KATNIP: variants seen among roughly 807,000 people sequenced by gnomAD.
KATNIP encodes the protein katanin interacting protein, also known as katanin-interacting protein.
KATNIP carries 126 observed loss-of-function variants against 174.0 expected under a neutral mutation model. The observed-to-expected ratio is 0.72, with a 90% CI of 0.63 to 0.84. The LOEUF (loss-of-function observed/expected upper bound fraction) is 0.84, where lower values mean the gene tolerates loss of function less well. KATNIP is among the 40% of genes least tolerant of loss of function. The pLI is 0.00. For synonymous variants in KATNIP, 810 were observed against 835.7 expected, an observed-to-expected ratio of 0.97 and a Z score of 0.53; for missense variants, 1,958 against 2,109.7, an observed-to-expected ratio of 0.93 and a Z score of 1.41.
chr16:27,572,362 AACACAC>A (rs3056269), intron 1 of KATNIP, among the ~76,000 whole-genome samples: 27 of 138,142 alleles, frequency 2.0e-4, no homozygotes, highest in East Asian at 1.7e-3. Context: ...CAAAAAAGAA[AACACAC>A]ACACACACAC....
chr16:27,579,418 T>A (rs1050875318), intron 2 of KATNIP, among the ~76,000 whole-genome samples: 1 of 152,232 alleles, frequency 6.6e-6, no homozygotes, highest in East Asian at 1.9e-4. Context: ...AGAGGGTTAA[T>A]ACAGTCATGT....
rs758627923 is a variant in KATNIP, at chr16:27,654,776, G to T, written c.540+6041G>T. 5.2e-6 allele frequency: 7 copies of T among 1,350,334 alleles called. No homozygotes were observed. The African/African-American group carries it at 5.9e-5, about 11-fold the overall frequency. 83.6% of individuals were successfully genotyped at this position (1,350,334 alleles called of 1,614,324 possible). On this transcript the variant is annotated intron_variant, in intron 6 of 27. Coordinates refer to ENST00000261588, the MANE Select transcript of KATNIP (RefSeq NM_015202.5). ...CAGCATCCTAACCCCTAAGGGCTGG[G>T]GATCTTTTCCGTAGCCAAGCAGCTG...
At chr16:27,610,973 T>G (rs1596918088) in intron 2 of KATNIP, among the ~76,000 whole-genome samples, 1 of 152,292 alleles carries the variant, frequency 6.6e-6, no homozygotes, top group East Asian at 1.9e-4. Context: ...TTGTCCCGCC[T>G]TTTGAGGACC....
At chr16:27,702,483 G>A (rs1294287381) in intron 11 of KATNIP, among the ~76,000 whole-genome samples, 1 of 152,202 alleles carries the variant, frequency 6.6e-6, no homozygotes, top group African/African-American at 2.4e-5. Flanking sequence ...CTGAGAGCCT[G>A]TAGTTTCTAG....
chr16:27,588,469 TTTTTGTTTTG>T (rs773855206), intron 2 of KATNIP, among the ~76,000 whole-genome samples: 2 of 152,006 alleles, frequency 1.3e-5, no homozygotes, highest in South Asian at 2.1e-4. Flanking sequence ...TTTTGACTGT[TTTTTGTTTTG>T]TTTTGTTTTG....
chr16:27,711,748 G>A (rs2079584016), intron 13 of KATNIP, among the ~76,000 whole-genome samples: 1 of 152,226 alleles, frequency 6.6e-6, no homozygotes, highest in African/African-American at 2.4e-5. Context: ...CCACTCAAAC[G>A]GCGGGCTGGA....
At chr16:27,618,100 T>C (rs1285119014) in intron 2 of KATNIP, among the ~76,000 whole-genome samples, 1 of 152,072 alleles carries the variant, frequency 6.6e-6, no homozygotes, top group Non-Finnish European at 1.5e-5. Flanking sequence ...GATAACTAAA[T>C]AGTGAGTGTT....
At chr16:27,731,630 T>C (rs936831872) in intron 14 of KATNIP, among the ~76,000 whole-genome samples, 37 of 151,876 alleles carry the variant, frequency 2.4e-4, no homozygotes, top group African/African-American at 8.9e-4. Flanking sequence ...TTTTCTTTTT[T>C]TTTTTTTGAG....
At chr16:27,595,670 C>T (rs2075313359) in intron 2 of KATNIP, among the ~76,000 whole-genome samples, 1 of 152,194 alleles carries the variant, frequency 6.6e-6, no homozygotes, top group African/African-American at 2.4e-5. Context: ...AACACAAATC[C>T]ATGCCCCTGT....
chr16:27,648,857 C>G, intron 6 of KATNIP, 122 bp downstream of exon 6: 1 of 1,152,586 alleles, frequency 8.7e-7, no homozygotes, highest in Admixed American at 2.3e-5. Context: ...CCGCTGTGTT[C>G]CTTCACTCTT....
At chr16:27,665,608 T>TA (rs936039019) in intron 6 of KATNIP, among the ~76,000 whole-genome samples, 2 of 138,754 alleles carry the variant, frequency 1.4e-5, no homozygotes, top group Admixed American at 1.4e-4. Flanking sequence ...TTTTTATTAT[T>TA]TTTTTTTTTT....
intron 2 of KATNIP, among the ~76,000 whole-genome samples, chr16:27,578,217 C>T (rs905519243): frequency 6.6e-6 from 1 of 152,078 alleles, no homozygotes; most frequent in African/African-American, 2.4e-5. Flanking sequence ...CCTGTAGTAC[C>T]AGCAGCTCAG....
chr16:27,668,079 G>A (rs2077749419), intron 6 of KATNIP, among the ~76,000 whole-genome samples: 3 of 152,156 alleles, frequency 2.0e-5, no homozygotes, highest in Admixed American at 2.0e-4. Flanking sequence ...CCTCTTACGG[G>A]CAGGTTTATC....
At chr16:27,611,545 T>C (rs1227395999) in intron 2 of KATNIP, among the ~76,000 whole-genome samples, 1 of 152,220 alleles carries the variant, frequency 6.6e-6, no homozygotes, top group Non-Finnish European at 1.5e-5. Flanking sequence ...CTCTAGGCAC[T>C]CAGGCGAAAC....
At chr16:27,658,516 C>T (rs1384075506) in intron 6 of KATNIP, among the ~76,000 whole-genome samples, 2 of 152,054 alleles carry the variant, frequency 1.3e-5, no homozygotes, top group Admixed American at 6.6e-5. Flanking sequence ...AAATTAAAAG[C>T]TTTTCTACAT....
chr16:27,673,327 T>A (rs2077987731), intron 6 of KATNIP, among the ~76,000 whole-genome samples: 1 of 152,204 alleles, frequency 6.6e-6, no homozygotes, highest in South Asian at 2.1e-4. Context: ...GAAATTGTTG[T>A]TAAACAGCAG....
At chr16:27,775,919 C>T (rs921553772) in intron 24 of KATNIP, among the ~76,000 whole-genome samples, 3 of 152,166 alleles carry the variant, frequency 2.0e-5, no homozygotes, top group Admixed American at 1.3e-4. Context: ...CCCTATTGAG[C>T]GTCCTCAGCT....
At chr16:27,598,643 C>G (rs1291749922) in intron 2 of KATNIP, among the ~76,000 whole-genome samples, 1 of 152,186 alleles carries the variant, frequency 6.6e-6, no homozygotes, top group Non-Finnish European at 1.5e-5. Flanking sequence ...ATCATCCATT[C>G]GGTTCACAGT....
intron 14 of KATNIP, among the ~76,000 whole-genome samples, chr16:27,724,209 A>C (rs867022968): frequency 6.6e-6 from 1 of 152,088 alleles, no homozygotes; most frequent in African/African-American, 2.4e-5. Context: ...GCCATGGCAC[A>C]CTAAGAGCTT....
Sources: allele counts gnomAD v4.1 joint callset (sites outside exome capture counted in the v4.1 genomes callset), GRCh38; gene constraint gnomAD v4.1.1; transcripts MANE v1.5; gene names NCBI Gene and HGNC (gene_info 2026-07-23, HGNC 2026-07-21).